Variants in ACVR2B observed in about 807,000 individuals in gnomAD.
The protein encoded by ACVR2B is activin receptor type-2B.
In ACVR2B, 18 loss-of-function variants were observed where a neutral mutation model predicts 65.1. The observed-to-expected ratio is 0.28, with a 90% CI of 0.19 to 0.41. ACVR2B has a LOEUF of 0.41. ACVR2B is among the 10% of genes least tolerant of loss of function. The pLI, the probability that ACVR2B is intolerant of heterozygous loss-of-function variation, is 1.00. For synonymous variants in ACVR2B, 298 were observed against 277.7 expected, an observed-to-expected ratio of 1.07 and a Z score of -0.73; for missense variants, 482 against 682.7, an observed-to-expected ratio of 0.71 and a Z score of 3.28.
Position 38,454,348 on chromosome 3 carries a change from C to A in ACVR2B, c.26C>A (p.Ala9Asp). Residue 9 changes from alanine (A) to aspartate (D), a missense_variant, in exon 1 of 11, where the codon GCC (alanine) becomes GAC (aspartate). Ala to Asp is a moderately radical substitution (Grantham distance 126). Around this residue, in one of 5 missense-constraint regions of ACVR2B, gnomAD observed 41 missense variants for 38.2 expected, o/e 1.07. Coordinates refer to ENST00000352511, the MANE Select transcript of ACVR2B (RefSeq NM_001106.4). ...ATGACGGCGCCCTGGGTGGCCCTCG[C>A]CCTCCTCTGGGGATCGCTGTGCGCC... MTAPWVAL[A>D]LLWGSLCAGS... The A allele has an allele frequency of 1.5e-6, 2 of 1,298,728 alleles. No individual in the cohort carries two copies. The highest frequency in any genetic ancestry group is 2.5e-5 in the South Asian group (1 of 40,600). 80.5% of individuals were successfully genotyped at this position (1,298,728 alleles called of 1,614,324 possible).
chr3:38,481,535 G>A lies in ACVR2B; in HGVS notation c.1074+70G>A. On this transcript the variant is annotated intron_variant, in intron 8 of 10. Coordinates refer to ENST00000352511, the MANE Select transcript of ACVR2B (RefSeq NM_001106.4). This position sits in a 1 kb window ranked among gnomAD's most constrained non-coding sequence, Gnocchi z 4.7. Reference sequence around the variant, plus strand: ...AGATACTTTGCCCTTTTTGTGCTCAGCTGGGGAGGTGCAGGGATGAGGGTG... The same window carrying A: ...AGATACTTTGCCCTTTTTGTGCTCAACTGGGGAGGTGCAGGGATGAGGGTG... The A allele has an allele frequency of 7.8e-7, 1 of 1,288,462 alleles. No homozygotes were observed. The highest frequency in any genetic ancestry group is 1.1e-6 in the Non-Finnish European group (1 of 886,060). The allele number at this position is 1,288,462 out of a possible 1,614,324, so 79.8% of individuals were successfully genotyped here.
intron 6 of ACVR2B, 56 bp from the exon 7 acceptor site, chr3:38,479,622 T>C (rs1027439251): frequency 3.7e-5 from 59 of 1,603,080 alleles, no homozygotes; most frequent in Non-Finnish European, 4.8e-5. Flanking sequence ...AGGGCTGGGC[T>C]GGGTCCTGTC....
chr3:38,454,488 G>T, intron 1 of ACVR2B, 114 bp downstream of exon 1: 2 of 970,604 alleles, frequency 2.1e-6, no homozygotes, highest in Non-Finnish European at 2.6e-6. Flanking sequence ...CGCACCACCT[G>T]TATTCAGCCC....
At chr3:38,479,587 A>G in intron 6 of ACVR2B, 91 bp from the exon 7 acceptor site, 3 of 1,468,722 alleles carry the variant, frequency 2.0e-6, no homozygotes, top group Non-Finnish European at 2.9e-6. Context: ...CAGCCTAGCC[A>G]TTGGCCCACT....
rs45457192 is a variant in ACVR2B, at chr3:38,483,347, T to C, written c.*15T>C. The C allele has an allele frequency of 2.4e-3, 3,915 of 1,613,882 alleles. 9 individuals carry two copies. The highest frequency in any genetic ancestry group is 3.0e-3 in the Non-Finnish European group (3,559 of 1,179,856). ...CAAGCATCTAAGCCCAGGACATGAGTGTCTGTCCAGACTCAGTGGATCTGA... is the reference window on the plus strand; with the variant it reads ...CAAGCATCTAAGCCCAGGACATGAGCGTCTGTCCAGACTCAGTGGATCTGA... On this transcript the variant is annotated 3_prime_UTR_variant, in exon 11 of 11. Transcript: ENST00000352511. This position sits in a 1 kb window ranked among gnomAD's most constrained non-coding sequence, Gnocchi z 4.8.
chr3:38,479,386 C>G, intron 6 of ACVR2B, 115 bp downstream of exon 6: 1 of 1,483,928 alleles, frequency 6.7e-7, no homozygotes, highest in Non-Finnish European at 9.4e-7. Flanking sequence ...GTACTCTGCC[C>G]CGGTAGCACT....
intron 7 of ACVR2B, among the ~76,000 whole-genome samples, chr3:38,480,087 AGTT>A (rs778023905): frequency 2.0e-5 from 3 of 152,170 alleles, no homozygotes; most frequent in East Asian, 1.9e-4. Context: ...TTGGCTCAGT[AGTT>A]CTCAAATTTT....
intron 1 of ACVR2B, among the ~76,000 whole-genome samples, chr3:38,459,931 A>C (rs567682189): frequency 6.6e-6 from 1 of 152,106 alleles, no homozygotes. Flanking sequence ...GCCTGCTTCA[A>C]GCTTGGCTAG....
intron 1 of ACVR2B, among the ~76,000 whole-genome samples, chr3:38,457,234 T>C (rs1053418496): frequency 2.0e-5 from 3 of 152,196 alleles, no homozygotes; most frequent in African/African-American, 4.8e-5. Context: ...GAATTTGATA[T>C]ATACAAAGTA....
chr3:38,457,124 A>C (rs1709563161), intron 1 of ACVR2B, among the ~76,000 whole-genome samples: 1 of 152,196 alleles, frequency 6.6e-6, no homozygotes, highest in Admixed American at 6.5e-5. Context: ...GAATGGCATG[A>C]ACCCGGGAGG....
At position 38,485,767 on chromosome 3, in the gene ACVR2B, A is replaced by G. The variant is rs1301703737; in HGVS notation, c.*2435A>G. 2 of 145,558 alleles carry G rather than the reference A, an allele frequency of 1.4e-5. No individual in the cohort carries two copies. The highest frequency in any genetic ancestry group is 3.0e-5 in the Non-Finnish European group (2 of 66,910). The allele number at this position is 145,558 out of a possible 1,614,324, so 9.0% of individuals were successfully genotyped here. On this transcript the variant is annotated 3_prime_UTR_variant, in exon 11 of 11. Transcript: ENST00000352511. ...TTAATGGCAAAACAGGCCTTACAGCAGTTGCTTTTCTTTACCATTTATTTC... is the reference window on the plus strand; with the variant it reads ...TTAATGGCAAAACAGGCCTTACAGCGGTTGCTTTTCTTTACCATTTATTTC...
intron 5 of ACVR2B, 77 bp downstream of exon 5, chr3:38,478,595 A>G (rs1709957572): frequency 1.3e-6 from 2 of 1,594,972 alleles, no homozygotes; most frequent in Non-Finnish European, 1.7e-6. Context: ...GACCTGGGGC[A>G]ATCCAAACCC....
chr3:38,479,890 G>T, intron 7 of ACVR2B, 64 bp downstream of exon 7: 1 of 1,579,886 alleles, frequency 6.3e-7, no homozygotes, highest in Non-Finnish European at 8.6e-7. Context: ...GTTGGTGGGC[G>T]AGAGCAGTGT....
intron 1 of ACVR2B, among the ~76,000 whole-genome samples, chr3:38,461,299 A>T (rs1326278488): frequency 1.3e-5 from 2 of 152,022 alleles, no homozygotes; most frequent in Non-Finnish European, 2.9e-5. Context: ...CTCTTATTTT[A>T]TGCACTTTTT....
intron 1 of ACVR2B, among the ~76,000 whole-genome samples, chr3:38,458,630 C>T (rs1167288903): frequency 6.6e-6 from 1 of 152,088 alleles, no homozygotes; most frequent in Non-Finnish European, 1.5e-5. Flanking sequence ...GCATTCAGCC[C>T]CTCTGCTTGG....
At chr3:38,459,491 CCT>C (rs1194295623) in intron 1 of ACVR2B, 2 of 651,030 alleles carry the variant, frequency 3.1e-6, no homozygotes, top group Non-Finnish European at 3.8e-6. Context: ...CCCAGCAGCC[CCT>C]CTCTGCTCAC....
intron 1 of ACVR2B, among the ~76,000 whole-genome samples, chr3:38,464,500 A>G (rs1575580400): frequency 6.6e-6 from 1 of 152,264 alleles, no homozygotes; most frequent in Non-Finnish European, 1.5e-5. Flanking sequence ...AAGGCATTGT[A>G]TATCTAAGAA....
Position 38,489,047 on chromosome 3 carries a change from C to T in ACVR2B, c.*5715C>T, listed in dbSNP as rs1009262771. Reference sequence around the variant, plus strand: ...GCTCACAGTTATGAAAAATATGACCCACAAGTTTTTCAGGCAGGTGAGGAT... The same window carrying T: ...GCTCACAGTTATGAAAAATATGACCTACAAGTTTTTCAGGCAGGTGAGGAT... On this transcript the variant is annotated 3_prime_UTR_variant, in exon 11 of 11. Transcript: ENST00000352511. 1 of 152,234 alleles carries T rather than the reference C, an allele frequency of 6.6e-6. No individual in the cohort carries two copies. Among genetic ancestry groups the T allele is most frequent in the Non-Finnish European group, 1.5e-5 (1 of 68,030 alleles). The allele number at this position is 152,234 out of a possible 1,614,324, so 9.4% of individuals were successfully genotyped here. A position where few individuals can be genotyped will look rare whatever the true frequency, so the allele number is the denominator to read the frequency against.
At chr3:38,471,259 A>C (rs488833) in intron 1 of ACVR2B, among the ~76,000 whole-genome samples, 1 of 152,228 alleles carries the variant, frequency 6.6e-6, no homozygotes, top group Non-Finnish European at 1.5e-5. Context: ...GAAAAGATAC[A>C]AACAAACAGT....
Sources: gnomAD v4.1 joint callset for allele counts (sites outside exome capture counted in the v4.1 genomes callset) on GRCh38, gnomAD v4.1.1 for gene constraint, gnomAD v4.1.1 regional missense constraint, Gnocchi (gnomAD v3.1) non-coding constraint, MANE v1.5 for transcripts, NCBI Gene and HGNC (gene_info 2026-07-23, HGNC 2026-07-21) for gene names.